SEMA3A: variants seen among roughly 807,000 people sequenced by gnomAD.
SEMA3A encodes semaphorin 3A.
SEMA3A carries 29 observed loss-of-function variants against 97.9 expected under a neutral mutation model. The observed-to-expected ratio is 0.30, with a 90% CI of 0.22 to 0.40. The LOEUF (loss-of-function observed/expected upper bound fraction) is 0.40. Ranked by LOEUF, SEMA3A falls within the 10% of genes least tolerant of loss-of-function variation. The pLI, the probability that SEMA3A is intolerant of heterozygous loss-of-function variation, is 1.00. For missense variants in SEMA3A, 763 were observed against 951.3 expected (o/e 0.80, Z 2.60); for synonymous variants, 321 against 323.7 (o/e 0.99, Z 0.09).
chr7:84,455,749 A>T (rs960056288), intron 1 of SEMA3A, among the ~76,000 whole-genome samples: 3 of 152,034 alleles, frequency 2.0e-5, no homozygotes, highest in Admixed American at 6.6e-5. Context: ...TCATAACTGT[A>T]AACCACTTTA....
intron 1 of SEMA3A, among the ~76,000 whole-genome samples, chr7:84,380,397 C>T (rs1444568550): frequency 6.6e-6 from 1 of 152,076 alleles, no homozygotes; most frequent in African/African-American, 2.4e-5. Flanking sequence ...CACAGCAATT[C>T]AGTAGAACTA....
intron 5 of SEMA3A, among the ~76,000 whole-genome samples, chr7:84,059,749 G>C (rs1270245362): frequency 2.0e-5 from 3 of 151,270 alleles, no homozygotes; most frequent in Non-Finnish European, 4.4e-5. Context: ...TAGGTTGTTG[G>C]TATGCTCAAA....
intron 6 of SEMA3A, 57 bp downstream of exon 6, chr7:84,046,267 A>G (rs1176855791): frequency 1.9e-6 from 3 of 1,578,898 alleles, no homozygotes; most frequent in East Asian, 2.2e-5. Context: ...AGAGTTCTCT[A>G]GTAACTTAAT....
intron 1 of SEMA3A, among the ~76,000 whole-genome samples, chr7:84,433,855 T>C (rs183256759): frequency 5.9e-5 from 9 of 152,326 alleles, no homozygotes; most frequent in Non-Finnish European, 8.8e-5. Flanking sequence ...TTCATGTTTG[T>C]TGGCTGCATA....
chr7:84,095,361 A>ATTTTTTTTT (rs1562778213), intron 4 of SEMA3A, among the ~76,000 whole-genome samples: 4 of 37,664 alleles, frequency 1.1e-4, no homozygotes, highest in East Asian at 1.2e-3. Context: ...TTATATACAT[A>ATTTTTTTTT]TATATATATA....
intron 4 of SEMA3A, among the ~76,000 whole-genome samples, chr7:84,108,764 A>C (rs3779444): frequency 1.3e-3 from 194 of 151,854 alleles, no homozygotes; most frequent in African/African-American, 4.3e-3. Context: ...AATTAGCCGG[A>C]CATGTCGGCT....
At chr7:84,470,118 A>G (rs1806109292) in intron 1 of SEMA3A, among the ~76,000 whole-genome samples, 1 of 151,944 alleles carries the variant, frequency 6.6e-6, no homozygotes, top group African/African-American at 2.4e-5. Flanking sequence ...ATTCGTAGAT[A>G]ATCTAACAAA....
chr7:84,151,013 A>T (rs1796641480), intron 1 of SEMA3A, among the ~76,000 whole-genome samples: 1 of 147,816 alleles, frequency 6.8e-6, no homozygotes, highest in South Asian at 2.2e-4. Flanking sequence ...ACTCCAACAG[A>T]CCTGCAGCTG....
chr7:84,388,575 AT>A (rs908051531), intron 1 of SEMA3A, among the ~76,000 whole-genome samples: 57 of 152,168 alleles, frequency 3.7e-4, no homozygotes, highest in African/African-American at 1.1e-3. Flanking sequence ...TATTACCAGA[AT>A]TTGTAGTGAT....
At chr7:84,249,379 C>CTATCTATA (rs1296122267) in intron 3 of SEMA3A, among the ~76,000 whole-genome samples, 12 of 150,490 alleles carry the variant, frequency 8.0e-5, no homozygotes, top group African/African-American at 3.0e-4. Flanking sequence ...ATCTATCTAT[C>CTATCTATA]TATCTATCTA....
intron 5 of SEMA3A, among the ~76,000 whole-genome samples, chr7:84,048,613 T>TA (rs949461132): frequency 5.9e-5 from 9 of 151,878 alleles, no homozygotes; most frequent in Non-Finnish European, 7.4e-5. Context: ...CTTCTTTCCT[T>TA]AAAAAAATCG....
At chr7:84,028,909 G>T (rs1280919275) in intron 6 of SEMA3A, among the ~76,000 whole-genome samples, 1 of 152,180 alleles carries the variant, frequency 6.6e-6, no homozygotes, top group Non-Finnish European at 1.5e-5. Flanking sequence ...GTGAGCCACA[G>T]TGCCTGACCA....
chr7:84,167,423 T>G (rs1055227928), intron 1 of SEMA3A, among the ~76,000 whole-genome samples: 9 of 152,198 alleles, frequency 5.9e-5, no homozygotes, highest in African/African-American at 1.9e-4. Context: ...TGACATGGCC[T>G]GGTATCATAA....
At chr7:83,980,402 C>T (rs1789342418) in intron 14 of SEMA3A, among the ~76,000 whole-genome samples, 1 of 151,412 alleles carries the variant, frequency 6.6e-6, no homozygotes, top group African/African-American at 2.4e-5. Flanking sequence ...GTTAGGAGAT[C>T]GAGACCATCC....
At chr7:84,339,117 T>C (rs1321829943) in intron 2 of SEMA3A, among the ~76,000 whole-genome samples, 1 of 152,162 alleles carries the variant, frequency 6.6e-6, no homozygotes, top group Non-Finnish European at 1.5e-5. Flanking sequence ...GAATTAACTG[T>C]TCAAATGGTG....
chr7:84,159,757 G>A (rs1022624135), intron 1 of SEMA3A, among the ~76,000 whole-genome samples: 40 of 152,074 alleles, frequency 2.6e-4, no homozygotes, highest in Non-Finnish European at 5.1e-4. Flanking sequence ...GCAGTCTCAG[G>A]ATTAATGCTT....
chr7:84,113,880 A>C (rs1420281282), intron 3 of SEMA3A, among the ~76,000 whole-genome samples: 3 of 152,162 alleles, frequency 2.0e-5, no homozygotes, highest in Non-Finnish European at 4.4e-5. Flanking sequence ...ACCCTTAGTG[A>C]CAAACCACTT....
At chr7:84,138,822 T>G (rs1796217752) in intron 1 of SEMA3A, among the ~76,000 whole-genome samples, 1 of 152,136 alleles carries the variant, frequency 6.6e-6, no homozygotes. Flanking sequence ...AATTCTGGAT[T>G]GCTTAGGTTA....
At chr7:84,174,463 C>T (rs370741259) in intron 1 of SEMA3A, among the ~76,000 whole-genome samples, 3 of 152,172 alleles carry the variant, frequency 2.0e-5, no homozygotes, top group Non-Finnish European at 4.4e-5. Context: ...TTAGAAGTTT[C>T]GCTTGAGCTT....
Sources: gnomAD v4.1 joint callset for allele counts (sites outside exome capture counted in the v4.1 genomes callset) on GRCh38, gnomAD v4.1.1 for gene constraint, MANE v1.5 for transcripts, NCBI Gene and HGNC (gene_info 2026-07-23, HGNC 2026-07-21) for gene names.